Variants in PMFBP1 observed in about 807,000 individuals in gnomAD.
The protein encoded by PMFBP1 is polyamine-modulated factor 1-binding protein 1.
In PMFBP1, 131 loss-of-function variants were observed where a neutral mutation model predicts 137.8. The ratio of observed to expected loss-of-function variants is 0.95; its 90% CI spans 0.82 to 1.10. PMFBP1 has a LOEUF of 1.10. Ranked by LOEUF, PMFBP1 falls within the 50% of genes least tolerant of loss-of-function variation. PMFBP1 has a pLI of 0.00. For synonymous variants in PMFBP1, 490 were observed against 450.4 expected, an observed-to-expected ratio of 1.09 and a Z score of -1.11; for missense variants, 1,199 against 1,175.4, an observed-to-expected ratio of 1.02 and a Z score of -0.29.
In PMFBP1 at chr16:72,119,892, C is replaced by A. The variant is rs1226929018; in HGVS notation, c.2966G>T (p.Arg989Ile). 1 of 1,614,212 alleles carries A rather than the reference C, an allele frequency of 6.2e-7. No homozygotes were observed. Among genetic ancestry groups the A allele is most frequent in the Admixed American group, 1.7e-5 (1 of 60,026 alleles). Reference protein sequence around the residue: ...WKGLPQDMGQRMDLTKYIGMP... With the variant: ...WKGLPQDMGQIMDLTKYIGMP... ...CCCGATGTACTTGGTGAGGTCCATT[C>A]TTTGACCCATATCCTGGGGCAACCC... is the stretch of plus-strand genomic sequence containing the variant. Residue 989 changes from arginine to isoleucine, a missense_variant, in exon 20 of 21, where the codon AGA becomes ATA. Physicochemically the swap from Arg to Ile is moderately conservative, Grantham distance 97 (BLOSUM62 -3). Transcript: ENST00000237353.
Position 72,129,227 on chromosome 16 carries a change from C to CT in PMFBP1, c.1788_1789insA (p.Glu597ArgfsTer34). 1 of 1,610,794 alleles carries CT rather than the reference C, an allele frequency of 6.2e-7. No homozygotes were observed. The highest frequency in any genetic ancestry group is 8.5e-7 in the Non-Finnish European group (1 of 1,179,812). On this transcript the variant is annotated frameshift_variant, in exon 13 of 21. Coordinates refer to ENST00000237353, the MANE Select transcript of PMFBP1 (RefSeq NM_031293.3). LOFTEE classifies it high-confidence loss of function. ...AACTTGCATTTGATGGAGCCTTGCT[C>CT]CCTGTGCTGAAAAAATAAAGACTGA...
intron 18 of PMFBP1, 73 bp downstream of exon 18, chr16:72,123,473 C>G: frequency 7.5e-7 from 1 of 1,335,816 alleles, no homozygotes; most frequent in Non-Finnish European, 1.1e-6. Flanking sequence ...TGTGACTAAT[C>G]TTTGGCACGC....
the PMFBP1 span, among the ~76,000 whole-genome samples, chr16:72,240,349 T>C: frequency 3.3e-5 from 5 of 152,364 alleles, 1 homozygote; most frequent in Non-Finnish European, 1.5e-5. Context: ...TGAAAATATA[T>C]AGACAGAAAT....
At chr16:72,174,507 T>C (rs2043249571), upstream of PMFBP1, among the ~76,000 whole-genome samples, 2 of 152,178 alleles carry the variant, frequency 1.3e-5, no homozygotes, top group South Asian at 4.1e-4. Flanking sequence ...CTAGCTAGAG[T>C]ATGCCGAGGT....
chr16:72,144,239 C>T (rs946329472), intron 5 of PMFBP1, among the ~76,000 whole-genome samples: 16 of 152,008 alleles, frequency 1.1e-4, no homozygotes, highest in Non-Finnish European at 2.4e-4. Context: ...ATGCTAATTT[C>T]CCCCAAATTA....
At chr16:72,199,344 C>T in the PMFBP1 span, among the ~76,000 whole-genome samples, 3 of 152,116 alleles carry the variant, frequency 2.0e-5, no homozygotes, top group Non-Finnish European at 2.9e-5. Context: ...CTATGTTGAA[C>T]GTCATGCAAA....
chr16:72,171,049 T>C (rs1324911372), intron 2 of PMFBP1, 148 bp downstream of exon 2: 1 of 858,438 alleles, frequency 1.2e-6, no homozygotes, highest in Non-Finnish European at 1.9e-6. Flanking sequence ...AGCTCGAGTC[T>C]GGGCTCTTAA....
chr16:72,126,080 G>T lies in PMFBP1; in HGVS notation c.2141C>A (p.Ala714Asp). ...GAGATAGTGCTTCTCCTTCTGCAGA[G>T]CTTTGTCCAGCTGGGCCTGCAGGCT... ...LMSLQAQLDK[A>D]LQKEKHYLQT... Residue 714 changes from alanine to aspartate, a missense_variant, in exon 15 of 21, where the codon GCT (alanine) becomes GAT (aspartate). Coordinates refer to ENST00000237353, the MANE Select transcript of PMFBP1 (RefSeq NM_031293.3). 1 of 1,614,216 alleles carries T rather than the reference G, an allele frequency of 6.2e-7. No homozygotes were observed. Among genetic ancestry groups the T allele is most frequent in the South Asian group, 1.1e-5 (1 of 91,086 alleles).
chr16:72,143,757 T>C (rs917817551), intron 5 of PMFBP1, among the ~76,000 whole-genome samples: 3 of 149,854 alleles, frequency 2.0e-5, no homozygotes, highest in South Asian at 2.1e-4. Context: ...ACAAAAAAAA[T>C]TGGCCGGGTG....
At chr16:72,140,686 T>G (rs181444851) in intron 5 of PMFBP1, 104 bp from the exon 6 acceptor site, 1 of 1,028,432 alleles carries the variant, frequency 9.7e-7, no homozygotes, top group Admixed American at 2.4e-5. Context: ...TAAAGGTATA[T>G]GTTCATATAT....
At chr16:72,135,349 G>GTA (rs1450866880) in intron 9 of PMFBP1, among the ~76,000 whole-genome samples, 1 of 145,578 alleles carries the variant, frequency 6.9e-6, no homozygotes, top group Non-Finnish European at 1.5e-5. Context: ...CTAATTTTGT[G>GTA]TGTGTGTGTG....
the PMFBP1 span, among the ~76,000 whole-genome samples, chr16:72,220,672 G>C: frequency 7.9e-5 from 12 of 152,128 alleles, no homozygotes; most frequent in African/African-American, 2.9e-4. Context: ...AGGTATGAGA[G>C]AGGGCTCAGA....
At chr16:72,151,905 T>C (rs529276792) in intron 4 of PMFBP1, among the ~76,000 whole-genome samples, 27 of 152,106 alleles carry the variant, frequency 1.8e-4, no homozygotes, top group Non-Finnish European at 3.4e-4. Flanking sequence ...CAAGACAGGG[T>C]AGGTTAGAAG....
chr16:72,141,215 G>T (rs1373983216), intron 5 of PMFBP1, among the ~76,000 whole-genome samples: 3 of 152,096 alleles, frequency 2.0e-5, no homozygotes, highest in African/African-American at 7.2e-5. Context: ...GGGATTACAG[G>T]CATGAGCTAC....
At chr16:72,139,139 C>T (rs2042677234) in intron 7 of PMFBP1, 150 bp downstream of exon 7, 1 of 624,984 alleles carries the variant, frequency 1.6e-6, no homozygotes, top group Admixed American at 2.9e-5. Flanking sequence ...ACATTATACA[C>T]AGTATCCTTG....
chr16:72,187,804 A>C, the PMFBP1 span, among the ~76,000 whole-genome samples: 120 of 152,268 alleles, frequency 7.9e-4, no homozygotes, highest in Non-Finnish European at 1.3e-3. Context: ...TTAGCATGTG[A>C]TTGTTCTATT....
chr16:72,214,864 C>T, the PMFBP1 span, among the ~76,000 whole-genome samples: 1 of 151,046 alleles, frequency 6.6e-6, no homozygotes, highest in Admixed American at 6.6e-5. Context: ...CTAAAAGGTT[C>T]AAAAAGATAA....
At chr16:72,156,621 G>GA (rs199982672) in intron 3 of PMFBP1, among the ~76,000 whole-genome samples, 6,420 of 143,210 alleles carry the variant, frequency 0.045, 360 homozygotes, top group African/African-American at 0.14. Context: ...CTCTGTCTCA[G>GA]AAAAAAAAAA....
the PMFBP1 span, among the ~76,000 whole-genome samples, chr16:72,203,838 C>T: frequency 6.6e-6 from 1 of 152,162 alleles, no homozygotes; most frequent in South Asian, 2.1e-4. Context: ...ACGACTGACC[C>T]TTAATCAAAA....
Sources: gnomAD v4.1 joint callset for allele counts (sites outside exome capture counted in the v4.1 genomes callset) on GRCh38, gnomAD v4.1.1 for gene constraint, MANE v1.5 for transcripts, NCBI Gene and HGNC (gene_info 2026-07-23, HGNC 2026-07-21) for gene names.